The following IL7 variants were observed in gnomAD, a reference collection of about 807,000 sequenced individuals.
The protein encoded by IL7 is interleukin-7.
A neutral mutation model predicts 21.6 loss-of-function variants in IL7; 3 were observed. The ratio of observed to expected loss-of-function variants is 0.14; its 90% CI spans 0.06 to 0.36. The LOEUF is 0.36. IL7 is among the 10% of genes least tolerant of loss of function. The pLI, the probability that IL7 is intolerant of heterozygous loss-of-function variation, is 1.00. For missense variants in IL7, 175 were observed against 200.2 expected (o/e 0.87, Z 0.76); for synonymous variants, 62 against 68.1 (o/e 0.91, Z 0.44).
intron 3 of IL7, among the ~76,000 whole-genome samples, chr8:78,709,944 A>G (rs1810902329): frequency 6.6e-6 from 1 of 152,140 alleles, no homozygotes; most frequent in Admixed American, 6.5e-5. Context: ...ATCTCAATCT[A>G]CAGTACTTGC....
intron 3 of IL7, among the ~76,000 whole-genome samples, chr8:78,725,352 T>C (rs1204883317): frequency 9.9e-6 from 1 of 100,874 alleles, no homozygotes; most frequent in Non-Finnish European, 2.0e-5. Flanking sequence ...GCACTTTAAC[T>C]GACTGTCCTC....
chr8:78,737,933 G>A (rs1355585957), intron 4 of IL7, among the ~76,000 whole-genome samples: 1 of 152,044 alleles, frequency 6.6e-6, no homozygotes, highest in East Asian at 1.9e-4. Flanking sequence ...GCATTTTGTA[G>A]ATAAGGAAAC....
chr8:78,724,307 G>T (rs2717544), intron 3 of IL7, among the ~76,000 whole-genome samples: 118,881 of 151,948 alleles, frequency 0.78, 46,867 homozygotes, highest in East Asian at 0.91. Context: ...TAAGAGGTAT[G>T]TTGCCATGCT....
At chr8:78,675,075 C>T (rs1809538460), downstream of IL7, among the ~76,000 whole-genome samples, 1 of 149,796 alleles carries the variant, frequency 6.7e-6, no homozygotes, top group African/African-American at 2.4e-5. Flanking sequence ...TTTGTAGTTT[C>T]TTTTTTTTTC....
chr8:78,760,604 A>G lies in IL7; in HGVS notation c.148-20522T>C. On this transcript the variant is annotated intron_variant, in intron 2 of 5. Transcript: ENST00000263851. ...TTTGAGTTGTCCCATGACTGAGGGT[A>G]CCAGAGATAAGCATTTAAGAGCTTT... 1.9e-6 allele frequency: 3 copies of G among 1,564,858 alleles called. No homozygotes were observed. In the South Asian group the frequency reaches 3.5e-5, roughly 18 times the overall value.
intron 2 of IL7, among the ~76,000 whole-genome samples, chr8:78,768,658 A>C (rs1812842167): frequency 6.6e-6 from 1 of 151,426 alleles, no homozygotes; most frequent in Non-Finnish European, 1.5e-5. Flanking sequence ...TTCATTGTAG[A>C]TTCTGGATAT....
At chr8:78,679,634 T>G (rs946224335) in intron 4 of IL7, among the ~76,000 whole-genome samples, 2 of 152,190 alleles carry the variant, frequency 1.3e-5, no homozygotes, top group Non-Finnish European at 2.9e-5. Context: ...TTATTCAGCA[T>G]AGTTGAAAAG....
At chr8:78,687,273 T>C (rs796940859) in intron 3 of IL7, among the ~76,000 whole-genome samples, 2 of 151,950 alleles carry the variant, frequency 1.3e-5, no homozygotes, top group African/African-American at 2.4e-5. Context: ...TAATGCTATG[T>C]TAGTACTCTA....
intron 4 of IL7, among the ~76,000 whole-genome samples, chr8:78,676,770 C>T (rs1488194116): frequency 6.6e-6 from 1 of 151,596 alleles, no homozygotes; most frequent in Non-Finnish European, 1.5e-5. Context: ...TGATTTTTTT[C>T]TTATCAATTT....
At chr8:78,708,078 G>T (rs1208547248) in intron 3 of IL7, among the ~76,000 whole-genome samples, 1 of 152,100 alleles carries the variant, frequency 6.6e-6, no homozygotes, top group African/African-American at 2.4e-5. Flanking sequence ...TCTGGTACCA[G>T]TGAAAGAATT....
Position 78,733,555 on chromosome 8 carries a change from G to T in IL7, c.*158C>A. ...TTCCATTGTTTGTATTCATCTTCTA[G>T]TAATACAATATGCATTTCTCAAATG... On this transcript the variant is annotated 3_prime_UTR_variant, in exon 6 of 6. Transcript: ENST00000263851. 1 of 629,342 alleles carries T rather than the reference G, an allele frequency of 1.6e-6. No individual in the cohort carries two copies. Among genetic ancestry groups the T allele is most frequent in the Non-Finnish European group, 2.7e-6 (1 of 375,084 alleles). 39.0% of individuals were successfully genotyped at this position (629,342 alleles called of 1,614,324 possible). A position where few individuals can be genotyped will look rare whatever the true frequency, so the allele number is the denominator to read the frequency against.
intron 3 of IL7, among the ~76,000 whole-genome samples, chr8:78,705,950 A>T (rs1810759802): frequency 6.6e-6 from 1 of 151,884 alleles, no homozygotes; most frequent in African/African-American, 2.4e-5. Context: ...ACCAGCAGGG[A>T]TGGTTGGAGG....
intron 3 of IL7, chr8:78,686,744 ATGG>A (rs769705107): frequency 2.2e-6 from 2 of 905,844 alleles, no homozygotes; most frequent in Non-Finnish European, 3.0e-6. Context: ...TTGGTGTAAA[ATGG>A]TGGTGGTAAT....
At chr8:78,698,260 G>A (rs929523015) in intron 3 of IL7, among the ~76,000 whole-genome samples, 10 of 152,222 alleles carry the variant, frequency 6.6e-5, no homozygotes, top group East Asian at 1.9e-4. Context: ...GCTATATGTC[G>A]TCCTCTGGAA....
chr8:78,794,812 T>C (rs1813801365), intron 2 of IL7, among the ~76,000 whole-genome samples: 2 of 152,082 alleles, frequency 1.3e-5, no homozygotes, highest in African/African-American at 4.8e-5. Context: ...TAACTTGCAT[T>C]ATTCACCACC....
At chr8:78,781,650 T>A (rs1488079586) in intron 2 of IL7, among the ~76,000 whole-genome samples, 1 of 152,074 alleles carries the variant, frequency 6.6e-6, no homozygotes, top group African/African-American at 2.4e-5. Context: ...GCCCTTAATA[T>A]TTTTTTCCTT....
rs1262303871 is a variant in IL7, at chr8:78,740,056, A to G, written c.174T>C (p.Asn58=). 6.5e-7 allele frequency: 1 copy of G among 1,532,466 alleles called. No individual in the cohort carries two copies. Among genetic ancestry groups the G allele is most frequent in the Non-Finnish European group, 8.8e-7 (1 of 1,142,602 alleles). The allele number at this position is 1,532,466 out of a possible 1,614,324, so 94.9% of individuals were successfully genotyped here. Residue 58 remains asparagine, a synonymous_variant, in exon 3 of 6, where the codon AAT becomes AAC. Transcript: ENST00000263851. ...LLDSMKEIGS[N]CLNNEFNFFK... is the part of the protein sequence containing the mutation. ...AAAAGTTAAATTCATTATTCAGGCA[A>G]TTGCTACCAATTTCTTTCATGCTGT... is the stretch of plus-strand genomic sequence containing the variant.
At chr8:78,688,820 T>C (rs886092474) in intron 3 of IL7, among the ~76,000 whole-genome samples, 3 of 152,132 alleles carry the variant, frequency 2.0e-5, no homozygotes, top group Non-Finnish European at 4.4e-5. Flanking sequence ...GATGAGCCTG[T>C]ATTTTAAAAT....
chr8:78,779,939 T>C (rs1385569133), intron 2 of IL7, among the ~76,000 whole-genome samples: 1 of 152,212 alleles, frequency 6.6e-6, no homozygotes, highest in Non-Finnish European at 1.5e-5. Context: ...ATTCAAGGAT[T>C]CAACTTCTTC....
Sources: allele counts gnomAD v4.1 joint callset (sites outside exome capture counted in the v4.1 genomes callset), GRCh38; gene constraint gnomAD v4.1.1; transcripts MANE v1.5; gene names NCBI Gene and HGNC (gene_info 2026-07-23, HGNC 2026-07-21).